The following BBS9 variants were observed in gnomAD, a reference collection of about 807,000 sequenced individuals.
BBS9 encodes the protein Bardet-Biedl syndrome 9.
A neutral mutation model predicts 117.7 loss-of-function variants in BBS9; 89 were observed. The ratio of observed to expected loss-of-function variants is 0.76; its 90% CI spans 0.64 to 0.90. BBS9 has a LOEUF of 0.90. Among genes scored for constraint, BBS9 ranks in the 40% least tolerant of loss-of-function variants. BBS9 has a pLI of 0.00. For missense variants in BBS9, 982 were observed against 1,042.2 expected, an observed-to-expected ratio of 0.94 and a Z score of 0.80; for synonymous variants, 379 against 370.9, an observed-to-expected ratio of 1.02 and a Z score of -0.25.
intron 19 of BBS9, among the ~76,000 whole-genome samples, chr7:33,403,099 T>C (rs1829213219): frequency 6.6e-6 from 1 of 152,046 alleles, no homozygotes; most frequent in Non-Finnish European, 1.5e-5. Flanking sequence ...AAAAAAATAA[T>C]TTCAACTTTT....
intron 1 of BBS9, among the ~76,000 whole-genome samples, chr7:33,135,533 G>C (rs898282272): frequency 6.6e-6 from 1 of 152,192 alleles, no homozygotes; most frequent in Non-Finnish European, 1.5e-5. Context: ...TTCCATTTAT[G>C]TTTATGTCTA....
chr7:33,363,224 T>G (rs960700566), intron 16 of BBS9, among the ~76,000 whole-genome samples: 1 of 152,144 alleles, frequency 6.6e-6, no homozygotes, highest in East Asian at 1.9e-4. Flanking sequence ...TGTCTCAGCC[T>G]CCCAAGTAGT....
intron 21 of BBS9, among the ~76,000 whole-genome samples, chr7:33,590,855 CT>C (rs980357911): frequency 4.8e-5 from 7 of 146,730 alleles, no homozygotes; most frequent in Admixed American, 4.4e-4. Context: ...AATAGTTTTT[CT>C]TTTTTAAAAA....
At chr7:33,540,414 C>T (rs1014854676) in intron 21 of BBS9, among the ~76,000 whole-genome samples, 2 of 152,186 alleles carry the variant, frequency 1.3e-5, no homozygotes, top group Non-Finnish European at 2.9e-5. Flanking sequence ...GAAGACTGAG[C>T]TTTTGTTATA....
intron 5 of BBS9, among the ~76,000 whole-genome samples, chr7:33,190,987 G>C (rs764005942): frequency 2.2e-4 from 34 of 152,286 alleles, no homozygotes; most frequent in Admixed American, 1.6e-3. Flanking sequence ...TTATTTGCGT[G>C]GTGCTTTGGC....
In BBS9 at chr7:33,259,117, C is replaced by T. The variant is rs372419464; in HGVS notation, c.617+1707C>T. 5.9e-5 allele frequency among the ~76,000 whole-genome samples: 9 copies of T among 152,244 alleles called. No individual in the cohort carries two copies. In the East Asian group the frequency reaches 7.7e-4, roughly 13 times the overall value. On this transcript the variant is annotated intron_variant, in intron 6 of 22. Transcript: ENST00000242067. ...TTATATTAAATGATAATCACTGCTG[C>T]ATTTTTGGATTTTGGAGAAAGCATG... is the stretch of plus-strand genomic sequence containing the variant.
chr7:33,174,327 C>A (rs954629273), intron 4 of BBS9, among the ~76,000 whole-genome samples: 1 of 152,166 alleles, frequency 6.6e-6, no homozygotes, highest in African/African-American at 2.4e-5. Flanking sequence ...TACTTTGGAT[C>A]CCACTTCTGA....
intron 4 of BBS9, among the ~76,000 whole-genome samples, chr7:33,163,519 G>A (rs113445977): frequency 6.6e-6 from 1 of 152,126 alleles, no homozygotes; most frequent in Non-Finnish European, 1.5e-5. Flanking sequence ...CCTGTTATTT[G>A]TCTATTCAGA....
chr7:33,236,862 T>C (rs926140160), intron 5 of BBS9, among the ~76,000 whole-genome samples: 3 of 152,092 alleles, frequency 2.0e-5, no homozygotes, highest in African/African-American at 7.2e-5. Context: ...GTACAATAGA[T>C]CATTAAAACT....
At chr7:33,134,458 T>A (rs368564440) in intron 1 of BBS9, among the ~76,000 whole-genome samples, 14 of 152,318 alleles carry the variant, frequency 9.2e-5, no homozygotes, top group Admixed American at 3.3e-4. Flanking sequence ...TTGACTTTTT[T>A]AAATTACTGA....
At chr7:33,532,787 A>G (rs182299858) in intron 20 of BBS9, among the ~76,000 whole-genome samples, 50 of 152,320 alleles carry the variant, frequency 3.3e-4, no homozygotes, top group Non-Finnish European at 1.9e-4. Context: ...GGATGGAATG[A>G]TGGGTTCCAG....
chr7:33,451,413 G>A (rs1271457571), intron 19 of BBS9, among the ~76,000 whole-genome samples: 2 of 151,950 alleles, frequency 1.3e-5, no homozygotes, highest in African/African-American at 2.4e-5. Context: ...TTTTATGTGT[G>A]GTTATCTAGT....
chr7:33,416,249 C>T (rs1395206930), intron 19 of BBS9, among the ~76,000 whole-genome samples: 1 of 151,556 alleles, frequency 6.6e-6, no homozygotes, highest in East Asian at 1.9e-4. Context: ...TGCATTTCCT[C>T]ATGGTGAGAA....
chr7:33,398,229 G>A (rs1828327977), intron 19 of BBS9, among the ~76,000 whole-genome samples: 1 of 152,088 alleles, frequency 6.6e-6, no homozygotes, highest in African/African-American at 2.4e-5. Context: ...TGAAAACTGG[G>A]TTGTAGTCAT....
chr7:33,494,423 C>T (rs1844442671), intron 19 of BBS9, among the ~76,000 whole-genome samples: 1 of 152,168 alleles, frequency 6.6e-6, no homozygotes. Context: ...GACTTCATAA[C>T]ACTTGCAGTA....
intron 9 of BBS9, among the ~76,000 whole-genome samples, chr7:33,328,734 T>C (rs1813348151): frequency 6.6e-6 from 1 of 152,198 alleles, no homozygotes; most frequent in South Asian, 2.1e-4. Flanking sequence ...CATGTTCTTT[T>C]TATTTGTTTT....
intron 19 of BBS9, among the ~76,000 whole-genome samples, chr7:33,405,822 G>A (rs1409734684): frequency 6.6e-6 from 1 of 151,886 alleles, no homozygotes; most frequent in African/African-American, 2.4e-5. Flanking sequence ...TTTTTTGAAG[G>A]GTTTTTTGTG....
rs375968661 is a variant in BBS9, at chr7:33,347,915, A to T, written c.1330-1153A>T. On this transcript the variant is annotated intron_variant, in intron 12 of 22. Coordinates refer to ENST00000242067, the MANE Select transcript of BBS9 (RefSeq NM_198428.3). ...GCCGTATAGAAAAGGTACCATATAG[A>T]ATGGTGGTTTATTTTATTTAATTTT... Among the ~76,000 whole-genome samples, 3 of 152,116 alleles carry T rather than the reference A, an allele frequency of 2.0e-5. No homozygotes were observed. In the South Asian group the frequency reaches 6.2e-4, roughly 32 times the overall value.
chr7:33,404,466 C>A (rs1829553161), intron 19 of BBS9, among the ~76,000 whole-genome samples: 1 of 152,050 alleles, frequency 6.6e-6, no homozygotes, highest in Non-Finnish European at 1.5e-5. Flanking sequence ...TTGATTCTTC[C>A]TACCCATGAG....
Sources: allele counts gnomAD v4.1 joint callset (sites outside exome capture counted in the v4.1 genomes callset), GRCh38; gene constraint gnomAD v4.1.1; transcripts MANE v1.5; gene names NCBI Gene and HGNC (gene_info 2026-07-23, HGNC 2026-07-21).